Variants in TENM4 observed in about 807,000 individuals in gnomAD.
The protein encoded by TENM4 is teneurin-4.
A neutral mutation model predicts 243.3 loss-of-function variants in TENM4; 82 were observed. The observed-to-expected ratio is 0.34, with a 90% confidence interval of 0.28 to 0.40. The LOEUF (loss-of-function observed/expected upper bound fraction) is 0.40. Among genes scored for constraint, TENM4 ranks in the 10% least tolerant of loss-of-function variants. The pLI is 1.00. For missense variants in TENM4, 3,138 were observed against 3,673.3 expected, an observed-to-expected ratio of 0.85 and a Z score of 3.77; for synonymous variants, 1,412 against 1,456.3, an observed-to-expected ratio of 0.97 and a Z score of 0.69.
intron 4 of TENM4, among the ~76,000 whole-genome samples, chr11:79,128,534 C>A (rs1861928945): frequency 6.6e-6 from 1 of 152,196 alleles, no homozygotes; most frequent in South Asian, 2.1e-4. Context: ...CGAGCCTGCA[C>A]CAGTGGCCTC....
intron 6 of TENM4, among the ~76,000 whole-genome samples, chr11:78,971,553 G>A (rs993617746): frequency 5.9e-5 from 9 of 151,934 alleles, no homozygotes; most frequent in African/African-American, 9.7e-5. Context: ...CACCCACCTC[G>A]GCCTCCCAAA....
intron 1 of TENM4, among the ~76,000 whole-genome samples, chr11:79,340,648 T>G (rs1857226976): frequency 6.6e-6 from 1 of 152,158 alleles, no homozygotes; most frequent in Non-Finnish European, 1.5e-5. Context: ...CATGAACTCC[T>G]TACCTTTCTC....
intron 15 of TENM4, among the ~76,000 whole-genome samples, chr11:78,791,548 C>T (rs1857056688): frequency 6.6e-6 from 1 of 152,182 alleles, no homozygotes; most frequent in Admixed American, 6.5e-5. Flanking sequence ...TTCTTGGGTG[C>T]TCCCTGTGTG....
intron 6 of TENM4, among the ~76,000 whole-genome samples, chr11:78,925,974 C>G (rs1173887351): frequency 6.6e-6 from 1 of 151,566 alleles, no homozygotes. Context: ...AAAAACAACC[C>G]CAAAGCCCAT....
At position 78,723,066 on chromosome 11, in the gene TENM4, C is replaced by CG. The variant is rs199646104; in HGVS notation, c.3551-150_3551-149insC. The CG allele has an allele frequency of 9.7e-5, 98 of 1,014,720 alleles. No homozygotes were observed. The African/African-American group carries it at 1.5e-3, about 16-fold the overall frequency. 62.9% of individuals were successfully genotyped at this position (1,014,720 alleles called of 1,614,324 possible). On this transcript the variant is annotated intron_variant, in intron 23 of 33. Coordinates refer to ENST00000278550, the MANE Select transcript of TENM4 (RefSeq NM_001098816.3). Reference sequence around the variant, plus strand: ...ATAGCCCAAGGCTTTGCCTCACCCCCCCAATGGAACCCAGATTGTCCTAAA... The same window carrying CG: ...ATAGCCCAAGGCTTTGCCTCACCCCCGCCAATGGAACCCAGATTGTCCTAAA...
chr11:79,298,568 C>T (rs1023713814), intron 1 of TENM4, among the ~76,000 whole-genome samples: 3 of 149,002 alleles, frequency 2.0e-5, no homozygotes, highest in African/African-American at 7.4e-5. Context: ...GGAAACTGGA[C>T]CGGCTGGTCA....
chr11:79,195,550 CT>C (rs1468576565), intron 3 of TENM4, among the ~76,000 whole-genome samples: 1 of 152,176 alleles, frequency 6.6e-6, no homozygotes, highest in Non-Finnish European at 1.5e-5. Flanking sequence ...CATTTTGGAG[CT>C]TCAAAATTTG....
At chr11:78,724,891 C>T (rs1855479247) in intron 23 of TENM4, among the ~76,000 whole-genome samples, 2 of 152,188 alleles carry the variant, frequency 1.3e-5, no homozygotes, top group Non-Finnish European at 2.9e-5. Context: ...AAGTGGTCCC[C>T]TTGGATCATG....
At chr11:78,694,874 A>C (rs759294912) in intron 28 of TENM4, among the ~76,000 whole-genome samples, 5 of 152,194 alleles carry the variant, frequency 3.3e-5, no homozygotes, top group Non-Finnish European at 5.9e-5. Flanking sequence ...GCGTGGATCC[A>C]TGATTTCAGC....
chr11:79,414,077 T>C (rs1038530218), intron 1 of TENM4, among the ~76,000 whole-genome samples: 1 of 152,042 alleles, frequency 6.6e-6, no homozygotes, highest in Non-Finnish European at 1.5e-5. Flanking sequence ...AACTTGACTT[T>C]GCTCTCAAAG....
At chr11:79,087,971 G>T (rs59995399) in intron 4 of TENM4, among the ~76,000 whole-genome samples, 1 of 152,186 alleles carries the variant, frequency 6.6e-6, no homozygotes, top group South Asian at 2.1e-4. Flanking sequence ...TGTTCTTTCC[G>T]TGGGGAAGCT....
intron 20 of TENM4, among the ~76,000 whole-genome samples, chr11:78,736,479 T>TGTGCGTGC (rs796898751): frequency 8.1e-5 from 8 of 99,334 alleles, no homozygotes; most frequent in African/African-American, 2.4e-4. Flanking sequence ...TGTGTGTGTG[T>TGTGCGTGC]GCGCGCGCGT....
chr11:78,931,758 G>C (rs562961648), intron 6 of TENM4, among the ~76,000 whole-genome samples: 1 of 152,180 alleles, frequency 6.6e-6, no homozygotes, highest in Non-Finnish European at 1.5e-5. Flanking sequence ...GATTTCCACC[G>C]GGGCTAGGTG....
intron 6 of TENM4, among the ~76,000 whole-genome samples, chr11:78,941,417 G>T (rs1386765582): frequency 3.3e-5 from 5 of 152,184 alleles, no homozygotes; most frequent in African/African-American, 1.2e-4. Flanking sequence ...ATAGGTGAAG[G>T]CCTAGGGACT....
chr11:78,830,661 G>A (rs1319683458), intron 12 of TENM4, among the ~76,000 whole-genome samples: 1 of 152,206 alleles, frequency 6.6e-6, no homozygotes, highest in African/African-American at 2.4e-5. Flanking sequence ...ACTCTCCGAA[G>A]GCTTGGGGAG....
chr11:78,660,520 G>A (rs1412150872), intron 33 of TENM4, among the ~76,000 whole-genome samples: 2 of 152,120 alleles, frequency 1.3e-5, no homozygotes, highest in Non-Finnish European at 2.9e-5. Flanking sequence ...CCGGGGTCTG[G>A]TAGGAGATAG....
At chr11:79,313,814 T>C (rs1195821980) in intron 1 of TENM4, among the ~76,000 whole-genome samples, 1 of 152,094 alleles carries the variant, frequency 6.6e-6, no homozygotes, top group Non-Finnish European at 1.5e-5. Flanking sequence ...CCCCACTGTC[T>C]TGGGACAGAT....
chr11:78,940,946 T>C (rs1856879368), intron 6 of TENM4, among the ~76,000 whole-genome samples: 1 of 152,208 alleles, frequency 6.6e-6, no homozygotes, highest in African/African-American at 2.4e-5. Context: ...AAGAGCTGTC[T>C]TCACCTGAGC....
intron 16 of TENM4, 123 bp from the exon 17 acceptor site, chr11:78,778,751 T>C: frequency 1.3e-6 from 1 of 794,580 alleles, no homozygotes. Context: ...GACAGGCCTA[T>C]GCCATGGTGG....
Sources: gnomAD v4.1 joint callset for allele counts (sites outside exome capture counted in the v4.1 genomes callset) on GRCh38, gnomAD v4.1.1 for gene constraint, MANE v1.5 for transcripts, NCBI Gene and HGNC (gene_info 2026-07-23, HGNC 2026-07-21) for gene names.